Variants in NBPF11 observed in about 807,000 individuals in gnomAD.
NBPF11 encodes NBPF member 11.
Under a neutral mutation model 93.9 loss-of-function variants are expected in NBPF11, and 72 were observed. That is an observed-to-expected ratio of 0.77 (90% confidence interval 0.63 to 0.93). The LOEUF (loss-of-function observed/expected upper bound fraction) is 0.93. Ranked by LOEUF, NBPF11 falls within the 40% of genes least tolerant of loss-of-function variation. NBPF11 has a pLI of 0.00. For synonymous variants in NBPF11, 224 were observed against 304.9 expected (o/e 0.73, Z 2.76); for missense variants, 705 against 802.2 (o/e 0.88, Z 1.46).
At chr1:148,146,780 G>A (rs1301782037) in intron 1 of NBPF11, 2 of 1,613,218 alleles carry the variant, frequency 1.2e-6, no homozygotes, top group African/African-American at 2.7e-5. Context: ...CAGATGAGCA[G>A]CTTCTACATT....
chr1:148,103,958 C>T lies in NBPF11; in HGVS notation c.2582-46G>A, dbSNP rs1278778751. The T allele has an allele frequency of 3.7e-6, 6 of 1,610,126 alleles. No homozygotes were observed. The African/African-American group carries it at 8.0e-5, about 22-fold the overall frequency. On this transcript the variant is annotated intron_variant, in intron 23 of 23. Coordinates refer to ENST00000682118, the MANE Select transcript of NBPF11 (RefSeq NM_001385469.3). ...AAAGAAGCAGCCAGGGAAAATCAGA[C>T]ACCACAGAGCCCCACTAGATTTCAG...
chr1:148,149,480 G>A (rs1485184744), intron 1 of NBPF11: 87 of 1,591,530 alleles, frequency 5.5e-5, no homozygotes, highest in African/African-American at 4.2e-4. Context: ...GGAGGGCGCC[G>A]GGCACAACGA....
intron 10 of NBPF11, among the ~76,000 whole-genome samples, chr1:148,119,738 C>A (rs1667396977): frequency 6.6e-6 from 1 of 151,968 alleles, no homozygotes; most frequent in Admixed American, 6.5e-5. Context: ...TCACTGCAAC[C>A]TCAGCCTCCT....
chr1:148,124,805 G>A lies in NBPF11; in HGVS notation c.278+94C>T, dbSNP rs1163451228. ...CCATGGCAATTTCTGCCCTTCCCCT[G>A]GCCCAGCTTCGTTCTTACTTCTCCC... is the stretch of plus-strand genomic sequence containing the variant. On this transcript the variant is annotated intron_variant, in intron 6 of 23. Coordinates refer to ENST00000682118, the MANE Select transcript of NBPF11 (RefSeq NM_001385469.3). The A allele has an allele frequency of 3.1e-6, 4 of 1,282,032 alleles. No homozygotes were observed. The African/African-American group carries it at 5.7e-5, about 18-fold the overall frequency. 79.4% of individuals were successfully genotyped at this position (1,282,032 alleles called of 1,614,324 possible). A position where few individuals can be genotyped will look rare whatever the true frequency, so the allele number is the denominator to read the frequency against.
intron 12 of NBPF11, among the ~76,000 whole-genome samples, chr1:148,116,799 C>T (rs1666665524): frequency 6.6e-6 from 1 of 152,036 alleles, no homozygotes; most frequent in South Asian, 2.1e-4. Flanking sequence ...GCTTGTGCAG[C>T]CTCTCTCTGG....
chr1:148,104,419 C>G (rs1306200540), intron 23 of NBPF11, 118 bp downstream of exon 23: 1 of 631,626 alleles, frequency 1.6e-6, no homozygotes, highest in Middle Eastern at 4.3e-4. Flanking sequence ...ACAACAATGA[C>G]AGTAGGAGTA....
chr1:148,142,884 C>G (rs1240732597), intron 2 of NBPF11, among the ~76,000 whole-genome samples: 2 of 152,220 alleles, frequency 1.3e-5, no homozygotes, highest in Non-Finnish European at 2.9e-5. Flanking sequence ...AAAGTGGTCT[C>G]TCTTTTAACC....
intron 1 of NBPF11, among the ~76,000 whole-genome samples, chr1:148,147,314 G>C (rs1571500191): frequency 6.6e-6 from 1 of 152,046 alleles, no homozygotes; most frequent in African/African-American, 2.4e-5. Flanking sequence ...GTGAGGCGAG[G>C]CTGCTGCATC....
intron 1 of NBPF11, among the ~76,000 whole-genome samples, chr1:148,151,208 G>T (rs1295459448): frequency 6.6e-6 from 1 of 151,894 alleles, no homozygotes; most frequent in Non-Finnish European, 1.5e-5. Flanking sequence ...TTAATTGGAG[G>T]CTTGCCCCGC....
intron 15 of NBPF11, 43 bp downstream of exon 15, chr1:148,114,394 G>C: frequency 1.8e-6 from 1 of 553,856 alleles, no homozygotes; most frequent in Non-Finnish European, 3.2e-6. Flanking sequence ...ACAATCTCCA[G>C]ATGTCACTAC....
intron 2 of NBPF11, among the ~76,000 whole-genome samples, chr1:148,142,560 T>C (rs1268943671): frequency 2.6e-5 from 4 of 151,984 alleles, no homozygotes; most frequent in African/African-American, 9.7e-5. Context: ...CTCACTGGAC[T>C]TCCCTCCTTG....
At chr1:148,121,623 C>T (rs55843027) in intron 9 of NBPF11, among the ~76,000 whole-genome samples, 6 of 151,478 alleles carry the variant, frequency 4.0e-5, no homozygotes, top group African/African-American at 1.2e-4. Context: ...CCAAAGTGCT[C>T]GGATTACAGG....
At chr1:148,131,106 C>T (rs1452916180) in intron 4 of NBPF11, among the ~76,000 whole-genome samples, 1 of 151,128 alleles carries the variant, frequency 6.6e-6, no homozygotes, top group East Asian at 1.9e-4. Flanking sequence ...CTAACACAGG[C>T]CTCCCTAAAA....
intron 3 of NBPF11, among the ~76,000 whole-genome samples, chr1:148,137,289 C>CCAAT (rs1671461712): frequency 1.3e-5 from 2 of 151,474 alleles, no homozygotes; most frequent in African/African-American, 4.9e-5. Context: ...AAAGATGAAA[C>CCAAT]AGACAGGTAA....
intron 15 of NBPF11, among the ~76,000 whole-genome samples, chr1:148,112,022 A>G (rs1185903242): frequency 7.4e-5 from 11 of 147,940 alleles, no homozygotes; most frequent in Non-Finnish European, 1.0e-4. Context: ...ATTACCCACA[A>G]AGGGAAGCCC....
chr1:148,125,789 G>A (rs1668974969), intron 5 of NBPF11, among the ~76,000 whole-genome samples: 2 of 151,944 alleles, frequency 1.3e-5, no homozygotes, highest in Admixed American at 6.5e-5. Context: ...CTGAACAGAT[G>A]AGGAAACTGA....
chr1:148,116,176 C>A lies in NBPF11; in HGVS notation c.1380-178G>T, dbSNP rs1666488528. ...TCTGTCTGCAACAGAGCATGGCTGCCATGGGAACCAGAGAGGAAGAGAGCA... is the reference window on the plus strand; with the variant it reads ...TCTGTCTGCAACAGAGCATGGCTGCAATGGGAACCAGAGAGGAAGAGAGCA... On this transcript the variant is annotated intron_variant, in intron 13 of 23. Coordinates refer to ENST00000682118, the MANE Select transcript of NBPF11 (RefSeq NM_001385469.3). 1.4e-4 allele frequency among the ~76,000 whole-genome samples: 22 copies of A among 151,942 alleles called. No homozygotes were observed. The South Asian group carries it at 4.6e-3, about 32-fold the overall frequency.
chr1:148,129,442 G>C (rs1553273961), intron 4 of NBPF11: 1 of 151,928 alleles, frequency 6.6e-6, no homozygotes, highest in African/African-American at 2.4e-5. Context: ...GGCGGCCCCA[G>C]CAGCAGCGAC....
At position 148,108,549 on chromosome 1, in the gene NBPF11, G is replaced by A. The variant is rs1259666996; in HGVS notation, c.1959C>T (p.Cys653=). 1.2e-5 allele frequency: 20 copies of A among 1,603,114 alleles called. No individual in the cohort carries two copies. The highest frequency in any genetic ancestry group is 4.1e-5 in the African/African-American group (3 of 73,872). ...PSVYLGLTDS[C]QPYRSAFYVL... ...CGTAAAAGGCACTTCTGTAGGGCTG[G>A]CATGAGTCAGTCAGTCCAAGATAAA... Residue 653 remains cysteine, a synonymous_variant, in exon 18 of 24, where the codon TGC becomes TGT. Coordinates refer to ENST00000682118, the MANE Select transcript of NBPF11 (RefSeq NM_001385469.3).
Sources: allele counts gnomAD v4.1 joint callset (sites outside exome capture counted in the v4.1 genomes callset), GRCh38; gene constraint gnomAD v4.1.1; transcripts MANE v1.5; gene names NCBI Gene and HGNC (gene_info 2026-07-23, HGNC 2026-07-21).